The following PCDH15 variants were observed in gnomAD, a reference collection of about 807,000 sequenced individuals.
PCDH15 encodes protocadherin related 15, also known as protocadherin-15.
PCDH15 carries 129 observed loss-of-function variants against 178.5 expected under a neutral mutation model. The observed-to-expected ratio is 0.72, with a 90% confidence interval of 0.63 to 0.84. The LOEUF is 0.84. PCDH15 is among the 40% of genes least tolerant of loss of function. The pLI, the probability that PCDH15 is intolerant of heterozygous loss-of-function variation, is 0.00. For synonymous variants in PCDH15, 800 were observed against 732.0 expected, an observed-to-expected ratio of 1.09 and a Z score of -1.50; for missense variants, 2,230 against 2,099.9, an observed-to-expected ratio of 1.06 and a Z score of -1.21.
At chr10:55,460,377 T>C (rs147895932) in intron 2 of PCDH15, among the ~76,000 whole-genome samples, 40 of 152,104 alleles carry the variant, frequency 2.6e-4, no homozygotes, top group African/African-American at 9.4e-4. Context: ...TAAAACGCAA[T>C]AGAAGGAAGT....
rs763121067 is a variant in PCDH15, at chr10:54,023,191, C to G, written c.2227G>C (p.Asp743His). The change falls in exon 19 of 38, where the codon GAC becomes CAC. Residue 743 changes from aspartate (D) to histidine (H), a missense_variant. Coordinates refer to ENST00000644397, the MANE Select transcript of PCDH15 (RefSeq NM_001384140.1). ...TGACCATTTATTCCAGCATCAGGGT[C>G]TGTTGCCTATTAAATAAAACAAAAA... ...NAFVGQVKAT[D>H]PDAGINGQVH... The G allele has an allele frequency of 4.2e-5, 68 of 1,613,084 alleles. No individual in the cohort carries two copies. The highest frequency in any genetic ancestry group is 5.3e-5 in the Non-Finnish European group (63 of 1,179,814).
At chr10:54,812,609 C>T (rs1952882519) in intron 3 of PCDH15, among the ~76,000 whole-genome samples, 1 of 152,088 alleles carries the variant, frequency 6.6e-6, no homozygotes, top group Admixed American at 6.6e-5. Flanking sequence ...CAGGGTCCCA[C>T]CACCATGCCC....
In PCDH15 at chr10:54,481,302, G is replaced by A. The variant is rs542218972; in HGVS notation, c.157+46510C>T. ...TTACTGCATTTTAAATCGGTCTGGC[G>A]CTACTGGAAATTGCTTCATATTAAA... On this transcript the variant is annotated intron_variant, in intron 3 of 37. Coordinates refer to ENST00000644397, the MANE Select transcript of PCDH15 (RefSeq NM_001384140.1). 1.3e-4 allele frequency among the ~76,000 whole-genome samples: 20 copies of A among 151,502 alleles called. No individual in the cohort carries two copies. The South Asian group carries it at 1.5e-3, about 11-fold the overall frequency.
intron 9 of PCDH15, among the ~76,000 whole-genome samples, chr10:54,219,406 C>G (rs376835972): frequency 1.3e-5 from 2 of 150,184 alleles, no homozygotes; most frequent in African/African-American, 4.9e-5. Flanking sequence ...CTGGCTAACA[C>G]GGTGACACCC....
At chr10:54,255,455 G>C (rs533100118) in intron 8 of PCDH15, among the ~76,000 whole-genome samples, 1 of 152,138 alleles carries the variant, frequency 6.6e-6, no homozygotes, top group Non-Finnish European at 1.5e-5. Flanking sequence ...GTGATGAAGT[G>C]TTTTCAAATA....
intron 2 of PCDH15, among the ~76,000 whole-genome samples, chr10:55,037,595 A>C (rs1180669612): frequency 6.6e-6 from 1 of 152,214 alleles, no homozygotes; most frequent in Non-Finnish European, 1.5e-5. Flanking sequence ...ATGTCTTTAC[A>C]TATAGCTATT....
chr10:55,010,022 G>A (rs1375950063), intron 2 of PCDH15, among the ~76,000 whole-genome samples: 1 of 152,054 alleles, frequency 6.6e-6, no homozygotes, highest in Non-Finnish European at 1.5e-5. Context: ...AACAATACAA[G>A]TATAGTGTTT....
At chr10:55,291,112 C>T (rs187916756) in intron 1 of PCDH15, among the ~76,000 whole-genome samples, 84 of 152,168 alleles carry the variant, frequency 5.5e-4, no homozygotes, top group Non-Finnish European at 9.6e-4. Flanking sequence ...TCTCTTTCCC[C>T]CCGGCCCCTC....
At chr10:54,417,235 T>C (rs1954565416) in intron 3 of PCDH15, among the ~76,000 whole-genome samples, 2 of 152,168 alleles carry the variant, frequency 1.3e-5, no homozygotes, top group African/African-American at 2.4e-5. Context: ...ATTAAAGAAT[T>C]ACATTTCAGT....
At chr10:54,913,890 T>G (rs1278053329) in intron 2 of PCDH15, among the ~76,000 whole-genome samples, 2 of 152,332 alleles carry the variant, frequency 1.3e-5, no homozygotes, top group African/African-American at 2.4e-5. Flanking sequence ...AATTTCTCAC[T>G]TTTGAAATGG....
intron 25 of PCDH15, among the ~76,000 whole-genome samples, chr10:53,932,028 T>G (rs1272435461): frequency 1.3e-5 from 2 of 152,228 alleles, no homozygotes; most frequent in Non-Finnish European, 2.9e-5. Flanking sequence ...AGTTCCTACT[T>G]CAATATTACT....
At position 55,265,838 on chromosome 10, in the gene PCDH15, G is replaced by A. The variant is rs188538823; in HGVS notation, c.-156+53761C>T. Reference sequence around the variant, plus strand: ...ACTCAGGCAGCCCCTCATATCAGGAGGAAGTTCCAGAAATGGCCCTGGGAC... The same window carrying A: ...ACTCAGGCAGCCCCTCATATCAGGAAGAAGTTCCAGAAATGGCCCTGGGAC... On this transcript the variant is annotated intron_variant, in intron 1 of 5. Coordinates refer to the PCDH15 transcript ENST00000458638. 9.7e-4 allele frequency among the ~76,000 whole-genome samples: 147 copies of A among 152,200 alleles called. 3 individuals are homozygous for A. The highest frequency in any genetic ancestry group is 8.3e-3 in the Admixed American group (127 of 15,284).
chr10:54,235,067 A>C (rs2054486919), intron 9 of PCDH15, among the ~76,000 whole-genome samples: 1 of 152,112 alleles, frequency 6.6e-6, no homozygotes, highest in Non-Finnish European at 1.5e-5. Context: ...CTCTTCCCGG[A>C]GATATCAACG....
intron 27 of PCDH15, among the ~76,000 whole-genome samples, chr10:53,863,939 T>A (rs2133121444): frequency 6.6e-6 from 1 of 152,288 alleles, no homozygotes; most frequent in African/African-American, 2.4e-5. Flanking sequence ...TCCTTCTAAA[T>A]GCTTTAGTAT....
chr10:54,294,721 C>A (rs536917705), intron 8 of PCDH15, among the ~76,000 whole-genome samples: 1 of 152,174 alleles, frequency 6.6e-6, no homozygotes, highest in Non-Finnish European at 1.5e-5. Flanking sequence ...AAATTACACA[C>A]CAAGCTTTTA....
At chr10:55,020,359 G>T (rs1840292144) in intron 2 of PCDH15, among the ~76,000 whole-genome samples, 1 of 150,688 alleles carries the variant, frequency 6.6e-6, no homozygotes, top group Non-Finnish European at 1.5e-5. Flanking sequence ...TGAAAAGATG[G>T]ATAAATATAA....
intron 3 of PCDH15, among the ~76,000 whole-genome samples, chr10:54,471,239 C>G (rs2077899297): frequency 6.6e-6 from 1 of 151,848 alleles, no homozygotes; most frequent in African/African-American, 2.4e-5. Flanking sequence ...CATCCTCATC[C>G]TCTTTAAGTA....
At chr10:54,403,051 G>A (rs1235554455) in intron 3 of PCDH15, among the ~76,000 whole-genome samples, 1 of 151,852 alleles carries the variant, frequency 6.6e-6, no homozygotes, top group African/African-American at 2.4e-5. Flanking sequence ...ACTTCTTAAG[G>A]GAAACTAAAA....
chr10:55,044,685 G>T (rs1353762369), intron 2 of PCDH15, among the ~76,000 whole-genome samples: 1 of 152,004 alleles, frequency 6.6e-6, no homozygotes, highest in Non-Finnish European at 1.5e-5. Context: ...ATTGCTCACT[G>T]TTTTTATATA....
Sources: gnomAD v4.1 joint callset for allele counts (sites outside exome capture counted in the v4.1 genomes callset) on GRCh38, gnomAD v4.1.1 for gene constraint, MANE v1.5 for transcripts, NCBI Gene and HGNC (gene_info 2026-07-23, HGNC 2026-07-21) for gene names.